MINK1: variants seen among roughly 807,000 people sequenced by gnomAD.
The protein encoded by MINK1 is misshapen like kinase 1, also known as misshapen-like kinase 1.
A neutral mutation model predicts 178.4 loss-of-function variants in MINK1; 46 were observed. The ratio of observed to expected loss-of-function variants is 0.26; its 90% CI spans 0.20 to 0.33. The LOEUF (loss-of-function observed/expected upper bound fraction) is 0.33. Among genes scored for constraint, MINK1 ranks in the 10% least tolerant of loss-of-function variants. The pLI is 1.00. For synonymous variants in MINK1, 797 were observed against 709.7 expected (o/e 1.12, Z -1.96); for missense variants, 1,366 against 1,814.9 (o/e 0.75, Z 4.49).
At chr17:4,890,815 C>T in intron 14 of MINK1, 80 bp downstream of exon 14, 8 of 1,516,280 alleles carry the variant, frequency 5.3e-6, no homozygotes, top group Non-Finnish European at 7.1e-6. Flanking sequence ...TAGTAGTTCA[C>T]AGTAGCAGGC....
chr17:4,833,626 C>G lies in MINK1; in HGVS notation c.43C>G (p.Leu15Val). Residue 15 changes from leucine to valine, a missense_variant, in exon 1 of 32, where the codon CTG (leucine) becomes GTG (valine). Around this residue, in one of 14 missense-constraint regions of MINK1, gnomAD observed 22 missense variants for 21.7 expected, o/e 1.01. Coordinates refer to ENST00000355280, the MANE Select transcript of MINK1 (RefSeq NM_153827.5). This position sits in a 1 kb window ranked among gnomAD's most constrained non-coding sequence, Gnocchi z 4.8. The stretch of plus-strand genomic sequence containing the variant: ...CGCCCGCAGCCTGGACGACATCGAC[C>G]TGTCCGCCCTGCGGGTGAGCGCGCC... ...APARSLDDID[L>V]SALRDPAGIF... is the part of the protein sequence containing the mutation. 2 of 1,499,830 alleles carry G rather than the reference C, an allele frequency of 1.3e-6. No homozygotes were observed. Among genetic ancestry groups the G allele is most frequent in the Non-Finnish European group, 1.8e-6 (2 of 1,131,170 alleles). The allele number at this position is 1,499,830 out of a possible 1,614,324, so 92.9% of individuals were successfully genotyped here. A position where few individuals can be genotyped will look rare whatever the true frequency, so the allele number is the denominator to read the frequency against.
intron 1 of MINK1, among the ~76,000 whole-genome samples, chr17:4,838,054 C>G (rs1909574986): frequency 2.0e-5 from 3 of 152,090 alleles, no homozygotes; most frequent in African/African-American, 4.8e-5. Flanking sequence ...GCTAGCTGTC[C>G]AAATGTTGAT....
At chr17:4,875,407 C>G (rs957530625) in intron 1 of MINK1, 3 of 441,888 alleles carry the variant, frequency 6.8e-6, no homozygotes, top group African/African-American at 6.1e-5. Flanking sequence ...CCCAGGAGTT[C>G]AAGGCTACAG....
chr17:4,885,437 GCAGAGGTGACTCCC>G lies in MINK1; in HGVS notation c.509-43_509-30del. On this transcript the variant is annotated intron_variant, in intron 6 of 31. Coordinates refer to ENST00000355280, the MANE Select transcript of MINK1 (RefSeq NM_153827.5). The surrounding 1 kb of genome is among the most constrained non-coding windows in gnomAD (Gnocchi z 5.0). ...GCACGCAGGGATGTGAGGCAAGGGA[GCAGAGGTGACTCCC>G]CACACTGACCCCTCCCTCTGTGTCT... The G allele has an allele frequency of 6.2e-7, 1 of 1,605,276 alleles. No homozygotes were observed. Among genetic ancestry groups the G allele is most frequent in the Non-Finnish European group, 8.5e-7 (1 of 1,175,164 alleles).
At chr17:4,846,681 CTT>C (rs1567560284) in intron 1 of MINK1, among the ~76,000 whole-genome samples, 1 of 152,100 alleles carries the variant, frequency 6.6e-6, no homozygotes, top group Non-Finnish European at 1.5e-5. Context: ...CTTATTATGA[CTT>C]TTTTTGAGAC....
At chr17:4,884,547 C>A in intron 5 of MINK1, 74 bp downstream of exon 5, 2 of 1,150,700 alleles carry the variant, frequency 1.7e-6, no homozygotes, top group South Asian at 1.3e-5. Flanking sequence ...CAAAGATCCT[C>A]CCTGCGCTGG....
chr17:4,891,200 G>GTACA lies in MINK1; in HGVS notation c.1740+76_1740+77insTACA, dbSNP rs1555541452. 6.0e-6 allele frequency: 6 copies of GTACA among 1,003,382 alleles called. No homozygotes were observed. In the South Asian group the frequency reaches 7.2e-5, roughly 12 times the overall value. 62.2% of individuals were successfully genotyped at this position (1,003,382 alleles called of 1,614,324 possible). ...AGAGCACAGGTACACACACACGCGC[G>GTACA]CACACACACACACACACACACACAC... On this transcript the variant is annotated intron_variant, in intron 15 of 31. Transcript: ENST00000355280.
At chr17:4,856,447 T>C (rs910943246) in intron 1 of MINK1, among the ~76,000 whole-genome samples, 1 of 151,992 alleles carries the variant, frequency 6.6e-6, no homozygotes, top group African/African-American at 2.4e-5. Flanking sequence ...CTTTTTTTTT[T>C]CTTTCCCTCC....
intron 1 of MINK1, among the ~76,000 whole-genome samples, chr17:4,874,102 T>C (rs1966951146): frequency 6.6e-6 from 1 of 152,244 alleles, no homozygotes; most frequent in Non-Finnish European, 1.5e-5. Flanking sequence ...GGTTGCTGTT[T>C]ATGATATATA....
chr17:4,864,410 A>G (rs1228490180), intron 1 of MINK1, among the ~76,000 whole-genome samples: 1 of 142,754 alleles, frequency 7.0e-6, no homozygotes, highest in African/African-American at 2.6e-5. Context: ...AAAAAGAATA[A>G]ATAATTAATT....
intron 1 of MINK1, among the ~76,000 whole-genome samples, chr17:4,837,736 CT>C (rs956668806): frequency 1.3e-5 from 2 of 152,232 alleles, no homozygotes; most frequent in African/African-American, 4.8e-5. Context: ...CAAACAGCTT[CT>C]TTTTACCATC....
rs1163802137 is a variant in MINK1 at position 4,895,981 on chromosome 17, C to T, written c.3365-22C>T. 6.3e-7 allele frequency: 1 copy of T among 1,578,990 alleles called. No homozygotes were observed. The highest frequency in any genetic ancestry group is 1.8e-5 in the Admixed American group (1 of 54,224). Reference sequence around the variant, plus strand: ...GGCGCAAGAAGGGAAGTCTCAGCATCCCTCTTCTCTCCCGCCCCCAGTGAA... The same window carrying T: ...GGCGCAAGAAGGGAAGTCTCAGCATTCCTCTTCTCTCCCGCCCCCAGTGAA... On this transcript the variant is annotated intron_variant, in intron 27 of 31. Coordinates refer to ENST00000355280, the MANE Select transcript of MINK1 (RefSeq NM_153827.5). The surrounding 1 kb of genome is among the most constrained non-coding windows in gnomAD (Gnocchi z 4.3).
At chr17:4,872,939 G>T (rs1330904085) in intron 1 of MINK1, among the ~76,000 whole-genome samples, 1 of 152,088 alleles carries the variant, frequency 6.6e-6, no homozygotes, top group African/African-American at 2.4e-5. Flanking sequence ...CTCCAGAAAG[G>T]GTGCTGCCCT....
intron 1 of MINK1, among the ~76,000 whole-genome samples, chr17:4,862,289 A>G (rs551672373): frequency 5.3e-4 from 81 of 152,256 alleles, no homozygotes; most frequent in Non-Finnish European, 3.2e-4. Flanking sequence ...ACCTTCCCTG[A>G]GCCTGTTTCC....
intron 1 of MINK1, chr17:4,861,648 G>C: frequency 3.4e-6 from 1 of 289,972 alleles, no homozygotes; most frequent in Non-Finnish European, 7.2e-6. Flanking sequence ...TTACAGGCAC[G>C]TGCCACCACA....
Position 4,857,145 on chromosome 17 carries a change from T to G in MINK1, c.58-21172T>G, listed in dbSNP as rs1017310596. The G allele has an allele frequency of 2.3e-5, 6 of 256,958 alleles. No individual in the cohort carries two copies. The Admixed American group carries it at 2.7e-4, about 12-fold the overall frequency. The allele number at this position is 256,958 out of a possible 1,614,324, so 15.9% of individuals were successfully genotyped here. A position where few individuals can be genotyped will look rare whatever the true frequency, so the allele number is the denominator to read the frequency against. On this transcript the variant is annotated intron_variant, in intron 1 of 31. Coordinates refer to ENST00000355280, the MANE Select transcript of MINK1 (RefSeq NM_153827.5). ...GAGACTGTTGTCATCATTCAGGGAG[T>G]TGGCAGGGGGGACAGCCGCCACTAG...
Position 4,885,711 on chromosome 17 carries a change from G to A in MINK1, c.639+98G>A, listed in dbSNP as rs1442114802. On this transcript the variant is annotated intron_variant, in intron 7 of 31. Transcript: ENST00000355280. The surrounding 1 kb of genome is among the most constrained non-coding windows in gnomAD (Gnocchi z 5.0). ...CAGGCTGGGGAACAGAGGAAGGTCA[G>A]ATGATGTTAGCAGTGAGGGGCTGGG... 9.1e-6 allele frequency: 14 copies of A among 1,530,958 alleles called. No homozygotes were observed. Among genetic ancestry groups the A allele is most frequent in the African/African-American group, 1.4e-5 (1 of 73,276 alleles). The allele number at this position is 1,530,958 out of a possible 1,614,324, so 94.8% of individuals were successfully genotyped here.
At chr17:4,842,281 G>A (rs1269182504) in intron 1 of MINK1, among the ~76,000 whole-genome samples, 1 of 152,064 alleles carries the variant, frequency 6.6e-6, no homozygotes, top group African/African-American at 2.4e-5. Flanking sequence ...GGGGATTGGG[G>A]ATGTTAACCA....
At chr17:4,849,901 C>G (rs1003769753) in intron 1 of MINK1, among the ~76,000 whole-genome samples, 5 of 152,070 alleles carry the variant, frequency 3.3e-5, no homozygotes, top group African/African-American at 1.2e-4. Flanking sequence ...ACTTCCTTAG[C>G]GAGCCTTTCC....
Sources: gnomAD v4.1 joint callset for allele counts (sites outside exome capture counted in the v4.1 genomes callset) on GRCh38, gnomAD v4.1.1 for gene constraint, gnomAD v4.1.1 regional missense constraint, Gnocchi (gnomAD v3.1) non-coding constraint, MANE v1.5 for transcripts, NCBI Gene and HGNC (gene_info 2026-07-23, HGNC 2026-07-21) for gene names.